Variants in WDR70 observed in about 807,000 individuals in gnomAD.
WDR70 encodes the protein WD repeat domain 70, also known as WD repeat-containing protein 70.
WDR70 carries 53 observed loss-of-function variants against 88.6 expected under a neutral mutation model. That is an observed-to-expected ratio of 0.60 (90% CI 0.48 to 0.75). The LOEUF is 0.75. Ranked by LOEUF, WDR70 falls within the 30% of genes least tolerant of loss-of-function variation. WDR70 has a pLI of 0.00. For missense variants in WDR70, 610 were observed against 823.2 expected (o/e 0.74, Z 3.17); for synonymous variants, 280 against 270.0 (o/e 1.04, Z -0.36).
chr5:37,500,269 C>T (rs1173806250), intron 8 of WDR70, among the ~76,000 whole-genome samples: 2 of 152,132 alleles, frequency 1.3e-5, no homozygotes, highest in African/African-American at 2.4e-5. Flanking sequence ...GACATTATTT[C>T]GTTCTTTTTT....
chr5:37,500,645 T>G (rs1740378167), intron 8 of WDR70, among the ~76,000 whole-genome samples: 1 of 151,544 alleles, frequency 6.6e-6, no homozygotes, highest in South Asian at 2.1e-4. Flanking sequence ...TAAGGTGGCA[T>G]CTCATTTTGG....
At chr5:37,527,270 C>A (rs549237003) in intron 9 of WDR70, among the ~76,000 whole-genome samples, 1 of 152,036 alleles carries the variant, frequency 6.6e-6, no homozygotes, top group Non-Finnish European at 1.5e-5. Flanking sequence ...GCATGGTACT[C>A]GTACCAAAAC....
intron 10 of WDR70, among the ~76,000 whole-genome samples, chr5:37,608,537 G>A (rs964684536): frequency 2.0e-5 from 3 of 151,176 alleles, no homozygotes; most frequent in Non-Finnish European, 2.9e-5. Flanking sequence ...CTGCTGTACT[G>A]TATGTTTCAC....
chr5:37,545,299 T>C (rs1345145842), intron 9 of WDR70, among the ~76,000 whole-genome samples: 2 of 152,166 alleles, frequency 1.3e-5, no homozygotes, highest in African/African-American at 2.4e-5. Flanking sequence ...CTTTTTAGAA[T>C]TGGTGCAGAA....
At chr5:37,498,922 A>C (rs1483459674) in intron 8 of WDR70, among the ~76,000 whole-genome samples, 1 of 152,244 alleles carries the variant, frequency 6.6e-6, no homozygotes, top group Admixed American at 6.5e-5. Flanking sequence ...ACTGTCTTCC[A>C]AAGTGGCTAG....
chr5:37,529,931 C>T (rs1424316394), intron 9 of WDR70, among the ~76,000 whole-genome samples: 1 of 152,088 alleles, frequency 6.6e-6, no homozygotes, highest in East Asian at 1.9e-4. Context: ...CAAATTTTCC[C>T]CATTCAGTAT....
At chr5:37,659,632 G>A (rs12332088) in intron 10 of WDR70, among the ~76,000 whole-genome samples, 87,151 of 151,998 alleles carry the variant, frequency 0.57, 25,182 homozygotes, top group African/African-American at 0.61. Context: ...ATTTTTCACA[G>A]TTCTGGAGAC....
intron 9 of WDR70, among the ~76,000 whole-genome samples, chr5:37,533,521 T>A (rs1045428182): frequency 1.4e-5 from 2 of 147,364 alleles, no homozygotes; most frequent in African/African-American, 2.6e-5. Flanking sequence ...AATACCTGGT[T>A]AAGTATTCAG....
At chr5:37,393,517 G>A (rs1748912570) in intron 4 of WDR70, among the ~76,000 whole-genome samples, 1 of 151,728 alleles carries the variant, frequency 6.6e-6, no homozygotes, top group African/African-American at 2.4e-5. Context: ...GTCCTTCTTA[G>A]TACTGTTTTC....
chr5:37,738,866 A>C (rs986507596), intron 17 of WDR70, among the ~76,000 whole-genome samples: 4 of 152,230 alleles, frequency 2.6e-5, no homozygotes, highest in African/African-American at 9.6e-5. Flanking sequence ...ACATTTGCTT[A>C]AGCTTTTCTG....
chr5:37,590,102 A>C (rs1017951784), intron 9 of WDR70, among the ~76,000 whole-genome samples: 2 of 152,138 alleles, frequency 1.3e-5, no homozygotes, highest in African/African-American at 4.8e-5. Flanking sequence ...GAAATGTTTA[A>C]TTACTGATGG....
chr5:37,617,619 C>T (rs557573088), intron 10 of WDR70, among the ~76,000 whole-genome samples: 11 of 152,234 alleles, frequency 7.2e-5, no homozygotes, highest in African/African-American at 1.9e-4. Flanking sequence ...GTCACTGTTA[C>T]GAGCTCTTTG....
At chr5:37,578,274 A>G (rs549961522) in intron 9 of WDR70, among the ~76,000 whole-genome samples, 2 of 152,288 alleles carry the variant, frequency 1.3e-5, no homozygotes, top group South Asian at 4.1e-4. Context: ...GAGAGGAAGA[A>G]TGAAGTTAAT....
Position 37,414,144 on chromosome 5 carries a change from CAA to C in WDR70, c.492+17592_492+17593del, listed in dbSNP as rs59026349. Among the ~76,000 whole-genome samples the C allele has an allele frequency of 1.6e-3, 146 of 94,074 alleles. 1 individual carries two copies. Among genetic ancestry groups the C allele is most frequent in the African/African-American group, 5.2e-3 (124 of 23,898 alleles). The allele number at this position is 94,074 out of a possible 152,430, so 61.7% of individuals were successfully genotyped here. On this transcript the variant is annotated intron_variant, in intron 5 of 17. Transcript: ENST00000265107. ...GGGCAACAGGAGCAAAACTCTGTCTCAAAAAAAAAAAAAAAAAAAGAAAATAT... is the reference window on the plus strand; with the variant it reads ...GGGCAACAGGAGCAAAACTCTGTCTCAAAAAAAAAAAAAAAAAGAAAATAT...
intron 3 of WDR70, among the ~76,000 whole-genome samples, chr5:37,386,354 ATTTTTTTGAGTTGCCCAGGC>A (rs1312132712): frequency 1.3e-5 from 2 of 151,824 alleles, no homozygotes; most frequent in African/African-American, 4.8e-5. Context: ...TTACTTATTT[ATTTTTTTGAGTTGCCCAGGC>A]TGGAGGGCAA....
At chr5:37,744,634 G>A (rs1332696482) in intron 17 of WDR70, among the ~76,000 whole-genome samples, 2 of 151,824 alleles carry the variant, frequency 1.3e-5, no homozygotes, top group African/African-American at 4.8e-5. Flanking sequence ...ACTTTGTGAA[G>A]CATACACAAG....
At chr5:37,717,666 C>T (rs928586942) in intron 13 of WDR70, among the ~76,000 whole-genome samples, 1 of 152,102 alleles carries the variant, frequency 6.6e-6, no homozygotes, top group African/African-American at 2.4e-5. Context: ...TAAGCAAAGC[C>T]GGTATGTATG....
At chr5:37,703,283 T>G (rs1747219002) in intron 13 of WDR70, among the ~76,000 whole-genome samples, 196 bp downstream of exon 13, 1 of 152,070 alleles carries the variant, frequency 6.6e-6, no homozygotes, top group African/African-American at 2.4e-5. Flanking sequence ...AACCCAATAT[T>G]TCCTATGGAC....
At chr5:37,752,141 G>C (rs916426223) in intron 17 of WDR70, among the ~76,000 whole-genome samples, 2 of 152,128 alleles carry the variant, frequency 1.3e-5, no homozygotes, top group African/African-American at 4.8e-5. Context: ...ACTGTAGTTC[G>C]TTCTTCCATA....
Sources: gnomAD v4.1 joint callset for allele counts (sites outside exome capture counted in the v4.1 genomes callset) on GRCh38, gnomAD v4.1.1 for gene constraint, MANE v1.5 for transcripts, NCBI Gene and HGNC (gene_info 2026-07-23, HGNC 2026-07-21) for gene names.